DGKG: variants seen among roughly 807,000 people sequenced by gnomAD.
DGKG encodes the protein diacylglycerol kinase gamma, also known as DAG kinase gamma.
A neutral mutation model predicts 105.3 loss-of-function variants in DGKG; 78 were observed. That is an observed-to-expected ratio of 0.74 (90% CI 0.62 to 0.89). The LOEUF (loss-of-function observed/expected upper bound fraction) is 0.89, where lower values mean the gene tolerates loss of function less well. Ranked by LOEUF, DGKG falls within the 40% of genes least tolerant of loss-of-function variation. The probability of loss-of-function intolerance (pLI) is 0.00; values close to 1 mark genes in which losing one functional copy is unlikely to be tolerated. For missense variants in DGKG, 958 were observed against 1,020.1 expected, an observed-to-expected ratio of 0.94 and a Z score of 0.83; for synonymous variants, 346 against 367.1, an observed-to-expected ratio of 0.94 and a Z score of 0.66.
intron 19 of DGKG, among the ~76,000 whole-genome samples, chr3:186,249,656 A>C (rs1267845766): frequency 2.6e-5 from 4 of 152,178 alleles, no homozygotes; most frequent in Non-Finnish European, 4.4e-5. Flanking sequence ...AGCCTGGCCA[A>C]TGTGGTGAAA....
At chr3:186,209,721 C>T (rs144705991) in intron 21 of DGKG, among the ~76,000 whole-genome samples, 144 of 152,156 alleles carry the variant, frequency 9.5e-4, no homozygotes, top group African/African-American at 3.1e-3. Context: ...CAAGGCTCTG[C>T]GGTCTCCTTA....
rs1466574028 is a variant in DGKG at position 186,298,047 on chromosome 3, G to A, written c.310+17C>T. On this transcript the variant is annotated intron_variant, in intron 4 of 24. Coordinates refer to ENST00000265022, the MANE Select transcript of DGKG (RefSeq NM_001346.3). The stretch of plus-strand genomic sequence containing the variant: ...AGCTGCGCAAGGTCTTCCCATCTTG[G>A]GGAAAGCTCTGTGTACCTGCGCTGT... 2 of 1,593,966 alleles carry A rather than the reference G, an allele frequency of 1.3e-6. No homozygotes were observed. The highest frequency in any genetic ancestry group is 1.7e-5 in the Admixed American group (1 of 57,294).
chr3:186,243,447 G>A (rs1478506797), intron 19 of DGKG, among the ~76,000 whole-genome samples: 2 of 151,960 alleles, frequency 1.3e-5, no homozygotes, highest in African/African-American at 2.4e-5. Flanking sequence ...TTCTACCTGC[G>A]GCCCCCACTC....
intron 1 of DGKG, among the ~76,000 whole-genome samples, chr3:186,352,595 T>G (rs566021694): frequency 6.6e-6 from 1 of 152,280 alleles, no homozygotes; most frequent in South Asian, 2.1e-4. Flanking sequence ...TGTTCCTCAA[T>G]TCTCTTGGTC....
At chr3:186,296,775 T>G (rs1723585092) in intron 5 of DGKG, among the ~76,000 whole-genome samples, 2 of 152,198 alleles carry the variant, frequency 1.3e-5, no homozygotes, top group Admixed American at 1.3e-4. Context: ...ATATAATCTC[T>G]TAAGGCCTCA....
intron 1 of DGKG, among the ~76,000 whole-genome samples, chr3:186,352,012 T>C (rs567459904): frequency 7.2e-5 from 11 of 152,282 alleles, no homozygotes; most frequent in African/African-American, 2.2e-4. Flanking sequence ...GGCCCAAGCT[T>C]TGACCCCAGA....
At chr3:186,246,698 C>A (rs939182837) in intron 19 of DGKG, among the ~76,000 whole-genome samples, 3 of 152,174 alleles carry the variant, frequency 2.0e-5, no homozygotes, top group African/African-American at 7.2e-5. Flanking sequence ...CTGGTGCCAG[C>A]AGAATCCAAG....
At chr3:186,354,543 T>A (rs1464518997) in intron 1 of DGKG, among the ~76,000 whole-genome samples, 1 of 152,338 alleles carries the variant, frequency 6.6e-6, no homozygotes, top group East Asian at 1.9e-4. Flanking sequence ...AGCTGCTGTC[T>A]GGCCATTGAG....
At chr3:186,245,030 G>GGT (rs1374626444) in intron 19 of DGKG, among the ~76,000 whole-genome samples, 20 of 152,220 alleles carry the variant, frequency 1.3e-4, no homozygotes, top group African/African-American at 4.6e-4. Flanking sequence ...AGTGGAGGGG[G>GGT]GCGGGGAAGA....
chr3:186,155,080 A>G (rs1367000763), intron 24 of DGKG, among the ~76,000 whole-genome samples: 1 of 152,214 alleles, frequency 6.6e-6, no homozygotes, highest in African/African-American at 2.4e-5. Flanking sequence ...ATCATCTTAC[A>G]GTGTAATAAT....
chr3:186,174,319 A>T (rs1439701337), intron 22 of DGKG, among the ~76,000 whole-genome samples: 2 of 152,196 alleles, frequency 1.3e-5, no homozygotes, highest in African/African-American at 4.8e-5. Context: ...AAAGGGATGT[A>T]CTCAAGAAGT....
chr3:186,314,697 T>G (rs1440759324), intron 2 of DGKG, among the ~76,000 whole-genome samples: 2 of 142,106 alleles, frequency 1.4e-5, no homozygotes, highest in African/African-American at 5.4e-5. Context: ...GAGGTTGTGG[T>G]GAGCCGAGAT....
At chr3:186,235,015 A>G (rs1185313298) in intron 20 of DGKG, among the ~76,000 whole-genome samples, 1 of 152,166 alleles carries the variant, frequency 6.6e-6, no homozygotes, top group Non-Finnish European at 1.5e-5. Flanking sequence ...GGACTTCTGC[A>G]TTTGTGTAAC....
chr3:186,248,185 T>C (rs774957383), intron 19 of DGKG, among the ~76,000 whole-genome samples: 3 of 152,258 alleles, frequency 2.0e-5, no homozygotes, highest in Non-Finnish European at 4.4e-5. Flanking sequence ...GGCCATCTTA[T>C]ACAGGGCACT....
At chr3:186,269,214 T>C (rs980150865) in intron 11 of DGKG, among the ~76,000 whole-genome samples, 3 of 152,228 alleles carry the variant, frequency 2.0e-5, no homozygotes, top group Non-Finnish European at 1.5e-5. Context: ...AGTCCATCTG[T>C]TTGTCTTGCA....
At chr3:186,294,397 A>G (rs933832119) in intron 5 of DGKG, among the ~76,000 whole-genome samples, 1 of 152,154 alleles carries the variant, frequency 6.6e-6, no homozygotes, top group Admixed American at 6.5e-5. Context: ...TAGCCTGGCC[A>G]TGATGGCATG....
intron 21 of DGKG, among the ~76,000 whole-genome samples, chr3:186,194,147 C>T (rs1366294255): frequency 6.6e-6 from 1 of 152,246 alleles, no homozygotes; most frequent in Non-Finnish European, 1.5e-5. Flanking sequence ...CTGGTTTCTT[C>T]CTGAGCCACG....
intron 20 of DGKG, among the ~76,000 whole-genome samples, chr3:186,241,151 T>C (rs1368109120): frequency 6.6e-6 from 1 of 152,150 alleles, no homozygotes; most frequent in Non-Finnish European, 1.5e-5. Flanking sequence ...AAGACCTCCT[T>C]CTTCTTGGTT....
chr3:186,355,610 A>G (rs1726912035), intron 1 of DGKG, among the ~76,000 whole-genome samples: 1 of 151,296 alleles, frequency 6.6e-6, no homozygotes, highest in South Asian at 2.1e-4. Flanking sequence ...CACCACCACA[A>G]TAATCACCCC....
Sources: allele counts gnomAD v4.1 joint callset (sites outside exome capture counted in the v4.1 genomes callset), GRCh38; gene constraint gnomAD v4.1.1; transcripts MANE v1.5; gene names NCBI Gene and HGNC (gene_info 2026-07-23, HGNC 2026-07-21).